Variants in CES5A observed in about 807,000 individuals in gnomAD.
CES5A encodes the protein carboxylesterase 5.
CES5A carries 67 observed loss-of-function variants against 62.9 expected under a neutral mutation model. The ratio of observed to expected loss-of-function variants is 1.07; its 90% CI spans 0.88 to 1.31. The LOEUF (loss-of-function observed/expected upper bound fraction) is 1.31, where lower values mean the gene tolerates loss of function less well. CES5A is among the 50% of genes most tolerant of loss of function. The pLI is 0.00. For missense variants in CES5A, 748 were observed against 708.5 expected, an observed-to-expected ratio of 1.06 and a Z score of -0.63; for synonymous variants, 296 against 280.8, an observed-to-expected ratio of 1.05 and a Z score of -0.54.
intron 1 of CES5A, among the ~76,000 whole-genome samples, chr16:55,894,951 T>G (rs2033916945): frequency 6.6e-6 from 1 of 152,170 alleles, no homozygotes; most frequent in South Asian, 2.1e-4. Context: ...GTGAGTTACT[T>G]TAAGGGATAA....
chr16:55,856,368 G>C lies in CES5A; in HGVS notation c.1125+9C>G. The C allele has an allele frequency of 6.2e-7, 1 of 1,613,670 alleles. No homozygotes were observed. Among genetic ancestry groups the C allele is most frequent in the Non-Finnish European group, 8.5e-7 (1 of 1,179,652 alleles). ...TCTCTGGAGTACTGCAGCCTCCCAA[G>C]CTACTCACCAGGATGTTTTGTATCA... On this transcript the variant is annotated intron_variant, in intron 9 of 12. Coordinates refer to ENST00000290567, the MANE Select transcript of CES5A (RefSeq NM_001143685.2).
intron 1 of CES5A, chr16:55,955,732 A>T: frequency 1.6e-6 from 2 of 1,212,658 alleles, no homozygotes; most frequent in Non-Finnish European, 2.3e-6. Context: ...GGGCTGACCC[A>T]GAGAGACAAA....
At chr16:55,870,835 G>C (rs1187574384) in intron 3 of CES5A, among the ~76,000 whole-genome samples, 1 of 152,174 alleles carries the variant, frequency 6.6e-6, no homozygotes, top group Non-Finnish European at 1.5e-5. Flanking sequence ...GGTCATATTA[G>C]AGATTACAGC....
At chr16:55,882,373 T>C (rs1308636612) in intron 1 of CES5A, among the ~76,000 whole-genome samples, 2 of 152,178 alleles carry the variant, frequency 1.3e-5, no homozygotes, top group Non-Finnish European at 1.5e-5. Context: ...AGGGGTTTAA[T>C]TCCCTAATGT....
intron 1 of CES5A, among the ~76,000 whole-genome samples, chr16:55,921,506 C>T (rs1224787860): frequency 6.6e-6 from 1 of 151,850 alleles, no homozygotes; most frequent in African/African-American, 2.4e-5. Context: ...AAAATTACTA[C>T]ATTCAGCAAA....
intron 2 of CES5A, among the ~76,000 whole-genome samples, chr16:55,941,231 G>A (rs111546204): frequency 0.015 from 2,310 of 152,060 alleles, 73 homozygotes; most frequent in African/African-American, 0.052. Flanking sequence ...ATGACATAGC[G>A]TTCTATACAG....
At chr16:55,861,365 C>A in intron 7 of CES5A, 47 bp downstream of exon 7, 6 of 1,013,914 alleles carry the variant, frequency 5.9e-6, no homozygotes, top group Non-Finnish European at 9.3e-6. Flanking sequence ...TTCATCTCTC[C>A]GTTCGAAGGG....
At position 55,859,664 on chromosome 16, in the gene CES5A, C is replaced by T; in HGVS notation, c.939G>A (p.Val313=). 1 of 1,611,120 alleles carries T rather than the reference C, an allele frequency of 6.2e-7. No homozygotes were observed. Among genetic ancestry groups the T allele is most frequent in the Non-Finnish European group, 8.5e-7 (1 of 1,179,110 alleles). The part of the protein sequence containing the change: ...LSQKTKSFTR[V]VDGAFFPNEP... ...CATTAGGAAAGAAAGCACCATCAAC[C>T]ACTCGAGTGAAAGACTTTGTTTTCT... Residue 313 remains valine (V), a synonymous_variant, in exon 8 of 13, where the codon GTG becomes GTA. Coordinates refer to ENST00000290567, the MANE Select transcript of CES5A (RefSeq NM_001143685.2).
chr16:55,897,098 G>A (rs2033942156), intron 1 of CES5A, among the ~76,000 whole-genome samples: 1 of 151,216 alleles, frequency 6.6e-6, no homozygotes, highest in Admixed American at 6.6e-5. Context: ...TCTCACTGCT[G>A]TGGAAAGAGC....
intron 9 of CES5A, among the ~76,000 whole-genome samples, chr16:55,856,050 A>G (rs116329915): frequency 2.6e-3 from 393 of 152,252 alleles, no homozygotes; most frequent in South Asian, 0.025. Flanking sequence ...CATGTAAGAC[A>G]TGACTTCTTC....
chr16:55,871,185 C>T (rs1446455250), intron 3 of CES5A, among the ~76,000 whole-genome samples: 1 of 152,142 alleles, frequency 6.6e-6, no homozygotes, highest in Admixed American at 6.5e-5. Flanking sequence ...CATGCCTTTC[C>T]CCCACTTACT....
At chr16:55,893,640 G>C (rs929753760) in intron 1 of CES5A, among the ~76,000 whole-genome samples, 3 of 152,134 alleles carry the variant, frequency 2.0e-5, no homozygotes, top group African/African-American at 7.2e-5. Context: ...ATAATTATTA[G>C]TGAACTTGAA....
intron 1 of CES5A, among the ~76,000 whole-genome samples, chr16:55,874,620 G>A (rs2033661011): frequency 6.6e-6 from 1 of 152,100 alleles, no homozygotes; most frequent in South Asian, 2.1e-4. Flanking sequence ...ATTCATGGGT[G>A]AAAATTTAAA....
At chr16:55,861,117 G>A (rs1337826274) in intron 7 of CES5A, among the ~76,000 whole-genome samples, 2 of 152,230 alleles carry the variant, frequency 1.3e-5, no homozygotes, top group Non-Finnish European at 2.9e-5. Flanking sequence ...GCTTCTGGAA[G>A]CATGCATAAC....
intron 2 of CES5A, among the ~76,000 whole-genome samples, chr16:55,943,834 C>A (rs2034468147): frequency 6.6e-6 from 1 of 152,206 alleles, no homozygotes; most frequent in Admixed American, 6.5e-5. Flanking sequence ...CCTAGTCATT[C>A]TCCCTCTCTG....
intron 1 of CES5A, among the ~76,000 whole-genome samples, chr16:55,905,198 T>C (rs1368221916): frequency 6.6e-6 from 1 of 152,110 alleles, no homozygotes; most frequent in Non-Finnish European, 1.5e-5. Flanking sequence ...ATCCATTATG[T>C]TTCCCAGGCT....
intron 1 of CES5A, among the ~76,000 whole-genome samples, chr16:55,913,595 A>G (rs2034116924): frequency 6.6e-6 from 1 of 152,198 alleles, no homozygotes. Context: ...AGTTCAGCCT[A>G]TGCCCAGGAA....
In CES5A at chr16:55,899,510, C is replaced by A. The variant is rs182173950; in HGVS notation, c.-255-25473G>T. On this transcript the variant is annotated intron_variant, in intron 1 of 12. Coordinates refer to the CES5A transcript ENST00000518005. Reference sequence around the variant, plus strand: ...AGAAGCTTCAGGATTCTGGGTCTATCTGTTTTCAAACTGTCTCCTGCAACA... The same window carrying A: ...AGAAGCTTCAGGATTCTGGGTCTATATGTTTTCAAACTGTCTCCTGCAACA... Among the ~76,000 whole-genome samples the A allele has an allele frequency of 1.2e-3, 185 of 152,296 alleles. 2 individuals are homozygous for A. The highest frequency in any genetic ancestry group is 0.012 in the Admixed American group (180 of 15,286).
chr16:55,920,027 C>A (rs1416490304), intron 1 of CES5A, among the ~76,000 whole-genome samples: 1 of 152,160 alleles, frequency 6.6e-6, no homozygotes, highest in Non-Finnish European at 1.5e-5. Flanking sequence ...CATACTTCCA[C>A]CACCCTTCCC....
Sources: gnomAD v4.1 joint callset for allele counts (sites outside exome capture counted in the v4.1 genomes callset) on GRCh38, gnomAD v4.1.1 for gene constraint, MANE v1.5 for transcripts, NCBI Gene and HGNC (gene_info 2026-07-23, HGNC 2026-07-21) for gene names.